The following PTPRJ variants were observed in gnomAD, a reference collection of about 807,000 sequenced individuals.
PTPRJ encodes the protein receptor-type tyrosine-protein phosphatase eta.
Under a neutral mutation model 141.3 loss-of-function variants are expected in PTPRJ, and 129 were observed. The ratio of observed to expected loss-of-function variants is 0.91; its 90% confidence interval spans 0.79 to 1.06. PTPRJ has a LOEUF of 1.06. Among genes scored for constraint, PTPRJ ranks in the 50% least tolerant of loss-of-function variants. PTPRJ has a pLI of 0.00. For synonymous variants in PTPRJ, 610 were observed against 640.5 expected (o/e 0.95, Z 0.72); for missense variants, 1,601 against 1,679.7 (o/e 0.95, Z 0.82).
rs139768957 is a variant in PTPRJ, at chr11:47,985,600, A to G, written c.96+4592A>G. Among the ~76,000 whole-genome samples, 83 of 152,352 alleles carry G rather than the reference A, an allele frequency of 5.4e-4. 5 individuals are homozygous for G. The East Asian group carries it at 7.5e-3, about 14-fold the overall frequency. ...CAGGGCTGATGTCTCCACTGCCCCA[A>G]TTTACCATCCTGTGCTGTAAAAAGT... On this transcript the variant is annotated intron_variant, in intron 1 of 24. Coordinates refer to ENST00000418331, the MANE Select transcript of PTPRJ (RefSeq NM_002843.4).
At position 48,035,253 on chromosome 11, in the gene PTPRJ, C is replaced by A. The variant is rs534891619; in HGVS notation, c.96+54245C>A. Among the ~76,000 whole-genome samples the A allele has an allele frequency of 4.2e-4, 64 of 152,342 alleles. No individual in the cohort carries two copies. The South Asian group carries it at 0.013, about 31-fold the overall frequency. On this transcript the variant is annotated intron_variant, in intron 1 of 24. Coordinates refer to ENST00000418331, the MANE Select transcript of PTPRJ (RefSeq NM_002843.4). ...GGAGGCCAGCAGAGTCAGAGCTTGG[C>A]TTTGAAAGCTGTTAATCGACCTGAG...
At chr11:47,997,306 C>T (rs181278177) in intron 1 of PTPRJ, among the ~76,000 whole-genome samples, 1 of 152,358 alleles carries the variant, frequency 6.6e-6, no homozygotes. Context: ...TGGCCTATGC[C>T]CTGGCAGTCT....
chr11:48,046,139 C>G (rs1854387732), intron 1 of PTPRJ: 1 of 152,106 alleles, frequency 6.6e-6, no homozygotes, highest in South Asian at 2.1e-4. Context: ...CTTGACTTCC[C>G]AGGCTCAGGT....
At chr11:48,078,269 G>A (rs1297318579) in intron 1 of PTPRJ, among the ~76,000 whole-genome samples, 2 of 152,084 alleles carry the variant, frequency 1.3e-5, no homozygotes, top group Non-Finnish European at 2.9e-5. Flanking sequence ...TGTTGGCCAG[G>A]CTGGTCTTGA....
chr11:48,024,308 C>T (rs1853747085), intron 1 of PTPRJ, among the ~76,000 whole-genome samples: 1 of 152,172 alleles, frequency 6.6e-6, no homozygotes, highest in African/African-American at 2.4e-5. Flanking sequence ...AGGAATTCTC[C>T]TGTCTCAGCC....
At chr11:47,998,431 A>T (rs1854399712) in intron 1 of PTPRJ, among the ~76,000 whole-genome samples, 1 of 152,184 alleles carries the variant, frequency 6.6e-6, no homozygotes, top group Non-Finnish European at 1.5e-5. Context: ...ATGTGCTCCA[A>T]AACTGTGTTC....
Position 48,130,586 on chromosome 11 carries a change from G to T in PTPRJ, c.1485G>T (p.Arg495=), listed in dbSNP as rs773715030. 1 of 1,614,070 alleles carries T rather than the reference G, an allele frequency of 6.2e-7. No homozygotes were observed. Among genetic ancestry groups the T allele is most frequent in the South Asian group, 1.1e-5 (1 of 91,080 alleles). Residue 495 remains arginine, a synonymous_variant, in exon 8 of 25, where the codon CGG becomes CGT. Coordinates refer to ENST00000418331, the MANE Select transcript of PTPRJ (RefSeq NM_002843.4). The part of the protein sequence containing the change: ...HITQEGAGNS[R]VEITTNQSII... ...CACAGGAGGGAGCTGGCAATTCTCG[G>T]GTAGAAATAACCACCAACCAAAGTA...
chr11:48,152,375 A>C (rs1299336479), intron 18 of PTPRJ, among the ~76,000 whole-genome samples: 1 of 151,960 alleles, frequency 6.6e-6, no homozygotes, highest in African/African-American at 2.4e-5. Context: ...AGATTGCAAA[A>C]ATTTTCTCCC....
At chr11:48,071,088 C>T (rs1407412100) in intron 1 of PTPRJ, among the ~76,000 whole-genome samples, 1 of 152,048 alleles carries the variant, frequency 6.6e-6, no homozygotes, top group Non-Finnish European at 1.5e-5. Context: ...CCTGGGATTG[C>T]ATAATTATTG....
At chr11:48,157,849 G>A (rs1212665009) in intron 21 of PTPRJ, among the ~76,000 whole-genome samples, 1 of 152,074 alleles carries the variant, frequency 6.6e-6, no homozygotes, top group African/African-American at 2.4e-5. Context: ...AAATAAAAGC[G>A]TTTTTAAAAT....
intron 10 of PTPRJ, among the ~76,000 whole-genome samples, 178 bp downstream of exon 10, chr11:48,137,459 A>G (rs1857131772): frequency 1.3e-5 from 2 of 152,218 alleles, no homozygotes; most frequent in South Asian, 2.1e-4. Context: ...TCATTTCTGC[A>G]TTCAATAAAT....
At position 48,136,064 on chromosome 11, in the gene PTPRJ, C is replaced by T. The variant is rs145224560; in HGVS notation, c.1641C>T (p.His547=). ...RTVPSAVFDI[H]VVYVTTTEMW... ...TTCCCAGTGCAGTGTTTGACATCCA[C>T]GTGGTCTACGTCACCACCACGGAGA... Residue 547 remains histidine (H), a synonymous_variant, in exon 9 of 25, where the codon CAC becomes CAT. Transcript: ENST00000418331. 1.1e-4 allele frequency: 183 copies of T among 1,614,150 alleles called. No individual in the cohort carries two copies. The African/African-American group carries it at 1.8e-3, about 16-fold the overall frequency.
chr11:48,091,231 C>G (rs1855859563), intron 1 of PTPRJ, among the ~76,000 whole-genome samples: 1 of 152,132 alleles, frequency 6.6e-6, no homozygotes, highest in Non-Finnish European at 1.5e-5. Context: ...GTTTGCATCT[C>G]AATTTTCCCT....
chr11:48,157,196 C>A (rs1384065057), intron 21 of PTPRJ, among the ~76,000 whole-genome samples: 2 of 151,654 alleles, frequency 1.3e-5, no homozygotes, highest in Admixed American at 1.3e-4. Flanking sequence ...ACTATGTTGG[C>A]CAGGATGGTC....
At chr11:47,990,915 A>G (rs1590386215) in intron 1 of PTPRJ, among the ~76,000 whole-genome samples, 1 of 151,758 alleles carries the variant, frequency 6.6e-6, no homozygotes, top group South Asian at 2.1e-4. Flanking sequence ...TCCTGACCTC[A>G]TGATCCGCCC....
chr11:48,037,919 G>A (rs1590425921), intron 1 of PTPRJ, among the ~76,000 whole-genome samples: 2 of 151,774 alleles, frequency 1.3e-5, no homozygotes, highest in South Asian at 2.1e-4. Flanking sequence ...TCTGGCCTCC[G>A]TGAGTCCACG....
rs553742552 is a variant in PTPRJ, at chr11:48,078,353, C to T, written c.97-31705C>T. On this transcript the variant is annotated intron_variant, in intron 1 of 24. Coordinates refer to ENST00000418331, the MANE Select transcript of PTPRJ (RefSeq NM_002843.4). The stretch of plus-strand genomic sequence containing the variant: ...GATTACAGGCATGAGCCACCGTGCC[C>T]GGCCTGATGGATTCAGTTTATGTGC... Among the ~76,000 whole-genome samples the T allele has an allele frequency of 6.6e-5, 10 of 152,218 alleles. No individual in the cohort carries two copies. In the South Asian group the frequency reaches 1.7e-3, roughly 25 times the overall value.
At chr11:47,994,687 A>G (rs539934933) in intron 1 of PTPRJ, among the ~76,000 whole-genome samples, 1 of 152,218 alleles carries the variant, frequency 6.6e-6, no homozygotes, top group South Asian at 2.1e-4. Context: ...AAATAAATAA[A>G]TAAAATAAAA....
At chr11:48,142,468 C>A (rs1355106853) in intron 11 of PTPRJ, among the ~76,000 whole-genome samples, 1 of 152,160 alleles carries the variant, frequency 6.6e-6, no homozygotes, top group Non-Finnish European at 1.5e-5. Context: ...TCTTCCAATC[C>A]ATGAGCATGG....
Sources: gnomAD v4.1 joint callset for allele counts (sites outside exome capture counted in the v4.1 genomes callset) on GRCh38, gnomAD v4.1.1 for gene constraint, MANE v1.5 for transcripts, NCBI Gene and HGNC (gene_info 2026-07-23, HGNC 2026-07-21) for gene names.